FBXL14: variants seen among roughly 807,000 people sequenced by gnomAD.
The protein encoded by FBXL14 is F-box and leucine rich repeat protein 14.
Under a neutral mutation model 24.5 loss-of-function variants are expected in FBXL14, and 11 were observed. The ratio of observed to expected loss-of-function variants is 0.45; its 90% CI spans 0.28 to 0.74. FBXL14 has a LOEUF of 0.74. Ranked by LOEUF, FBXL14 falls within the 30% of genes least tolerant of loss-of-function variation. The probability of loss-of-function intolerance (pLI) is 0.12; values close to 1 mark genes in which losing one functional copy is unlikely to be tolerated. For missense variants in FBXL14, 384 were observed against 545.6 expected (o/e 0.70, Z 2.95); for synonymous variants, 294 against 240.4 (o/e 1.22, Z -2.06).
At position 1,587,294 on chromosome 12, in the gene FBXL14, A is replaced by AACTT. The variant is rs1171921631; in HGVS notation, c.1194+5575_1194+5578dup. The AACTT allele has an allele frequency of 2.0e-5, 3 of 152,232 alleles. No individual in the cohort carries two copies. In the East Asian group the frequency reaches 5.8e-4, roughly 29 times the overall value. The allele number at this position is 152,232 out of a possible 1,614,324, so 9.4% of individuals were successfully genotyped here. A position where few individuals can be genotyped will look rare whatever the true frequency, so the allele number is the denominator to read the frequency against. ...AGTAGAAGAGTAATGAAATAATAGA[A>AACTT]ACTTAAGTCTTCTTTTTAAAGAAAA... On this transcript the variant is annotated intron_variant, in intron 1 of 1. Transcript: ENST00000339235.
At chr12:1,592,710 TGGAGGAG>T (rs893057669) in intron 1 of FBXL14, among the ~76,000 whole-genome samples, 156 bp downstream of exon 1, 2 of 152,042 alleles carry the variant, frequency 1.3e-5, no homozygotes, top group Admixed American at 6.5e-5. Flanking sequence ...GGGAGGGGGC[TGGAGGAG>T]GGAGGAGGAA....
Position 1,566,280 on chromosome 12 carries a change from C to T in FBXL14, c.*468G>A, listed in dbSNP as rs1175813022. 1 of 152,396 alleles carries T rather than the reference C, an allele frequency of 6.6e-6. No homozygotes were observed. The highest frequency in any genetic ancestry group is 1.5e-5 in the Non-Finnish European group (1 of 68,108). 9.4% of individuals were successfully genotyped at this position (152,396 alleles called of 1,614,324 possible). On this transcript the variant is annotated 3_prime_UTR_variant, in exon 2 of 2. Coordinates refer to ENST00000339235, the MANE Select transcript of FBXL14 (RefSeq NM_152441.3). ...AGTTGTGAATTCCTTGTGTGTCCAGCTATCACTATGTAATGATATTTTACG... is the reference window on the plus strand; with the variant it reads ...AGTTGTGAATTCCTTGTGTGTCCAGTTATCACTATGTAATGATATTTTACG...
At chr12:1,571,509 G>A (rs948963215) in intron 1 of FBXL14, among the ~76,000 whole-genome samples, 2 of 152,142 alleles carry the variant, frequency 1.3e-5, no homozygotes, top group Admixed American at 1.3e-4. Flanking sequence ...CGCCCAGCCA[G>A]TGTAAAACAC....
intron 1 of FBXL14, among the ~76,000 whole-genome samples, chr12:1,577,705 C>A (rs1199368262): frequency 6.6e-6 from 1 of 152,208 alleles, no homozygotes; most frequent in Admixed American, 6.5e-5. Context: ...AGTGCAGAGA[C>A]CATCCCAAGC....
At chr12:1,574,617 T>C in intron 1 of FBXL14, 1 of 210,928 alleles carries the variant, frequency 4.7e-6, no homozygotes, top group South Asian at 6.3e-5. Flanking sequence ...CCAGAAAGTT[T>C]GCAGAACCTT....
Position 1,593,245 on chromosome 12 carries a change from C to A in FBXL14, c.822G>T (p.Leu274=). Residue 274 remains leucine (L), a synonymous_variant, in exon 1 of 2, where the codon CTG becomes CTT. Transcript: ENST00000339235. This position sits in a 1 kb window ranked among gnomAD's most constrained non-coding sequence, Gnocchi z 7.4. Reference sequence around the variant, plus strand: ...CCGAGAGGCGCAGGCTGCCCATGGCCAGATGCATGATGCCCGTGTCACTGA... The same window carrying A: ...CCGAGAGGCGCAGGCTGCCCATGGCAAGATGCATGATGCCCGTGTCACTGA... The part of the protein sequence containing the change: ...DNISDTGIMH[L]AMGSLRLSGL... The A allele has an allele frequency of 6.2e-7, 1 of 1,612,850 alleles. No individual in the cohort carries two copies. The highest frequency in any genetic ancestry group is 8.5e-7 in the Non-Finnish European group (1 of 1,180,032).
chr12:1,594,014 C>A lies in FBXL14; in HGVS notation c.53G>T (p.Gly18Val). ...LFPELLAMIFGYLDVRDKGRA... is the reference protein window; with the variant it reads ...LFPELLAMIFVYLDVRDKGRA... ...CCCCTTGTCCCGGACGTCCAGGTAG[C>A]CGAAGATCATGGCCAGCAGCTCCGG... The change falls in exon 1 of 2, where the codon GGC becomes GTC. Residue 18 changes from glycine to valine, a missense_variant. Transcript: ENST00000339235. The A allele has an allele frequency of 6.3e-7, 1 of 1,575,740 alleles. No homozygotes were observed. Among genetic ancestry groups the A allele is most frequent in the East Asian group, 2.3e-5 (1 of 44,334 alleles).
In FBXL14 at chr12:1,567,240, A is replaced by T. The variant is rs891628360; in HGVS notation, c.1195-430T>A. ...CACTTTGGGAGGTCGAAGCGGGCGG[A>T]TCACCTGAGGTCAGGAGTTCGAGAC... is the stretch of plus-strand genomic sequence containing the variant. On this transcript the variant is annotated intron_variant, in intron 1 of 1. Transcript: ENST00000339235. This position sits in a 1 kb window ranked among gnomAD's most constrained non-coding sequence, Gnocchi z 4.8. 7.2e-5 allele frequency among the ~76,000 whole-genome samples: 11 copies of T among 152,174 alleles called. No individual in the cohort carries two copies. Among genetic ancestry groups the T allele is most frequent in the African/African-American group, 2.4e-4 (10 of 41,446 alleles).
In FBXL14 at chr12:1,585,829, T is replaced by C. The variant is rs79902828; in HGVS notation, c.1194+7044A>G. ...TTTTTGCCCTTGAATGAAGAGAAAA[T>C]AGCTAGAGTTTTTGCAACTTGATTC... On this transcript the variant is annotated intron_variant, in intron 1 of 1. Coordinates refer to ENST00000339235, the MANE Select transcript of FBXL14 (RefSeq NM_152441.3). Among the ~76,000 whole-genome samples the C allele has an allele frequency of 8.5e-3, 1,288 of 152,290 alleles. 18 individuals are homozygous for C. The highest frequency in any genetic ancestry group is 0.03 in the African/African-American group (1,232 of 41,572).
In FBXL14 at chr12:1,593,097, G is replaced by C; in HGVS notation, c.970C>G (p.Arg324Gly). 1 of 1,613,476 alleles carries C rather than the reference G, an allele frequency of 6.2e-7. No individual in the cohort carries two copies. The highest frequency in any genetic ancestry group is 1.1e-5 in the South Asian group (1 of 91,088). Reference sequence around the variant, plus strand: ...AGCCCGTGCATCTGCCGCACCATGCGGTTGATGCCATCATCACTGATGTGG... The same window carrying C: ...AGCCCGTGCATCTGCCGCACCATGCCGTTGATGCCATCATCACTGATGTGG... ...SCHISDDGINRMVRQMHGLRT... is the reference protein window; with the variant it reads ...SCHISDDGINGMVRQMHGLRT... The change falls in exon 1 of 2, where the codon CGC becomes GGC. Residue 324 changes from arginine (R) to glycine (G), a missense_variant. Physicochemically the swap from Arg to Gly is moderately radical, Grantham distance 125. Transcript: ENST00000339235. This position sits in a 1 kb window ranked among gnomAD's most constrained non-coding sequence, Gnocchi z 7.4.
At chr12:1,581,381 C>G (rs143937484) in intron 1 of FBXL14, among the ~76,000 whole-genome samples, 4 of 152,194 alleles carry the variant, frequency 2.6e-5, no homozygotes, top group Admixed American at 2.6e-4. Context: ...ACAAGAGAAA[C>G]GTGCATCATC....
intron 1 of FBXL14, among the ~76,000 whole-genome samples, chr12:1,592,573 A>C (rs1244843604): frequency 6.6e-6 from 1 of 152,190 alleles, no homozygotes; most frequent in East Asian, 1.9e-4. Flanking sequence ...TAGCTGAATC[A>C]GTCCTCCACC....
At chr12:1,592,309 G>A (rs922750525) in intron 1 of FBXL14, among the ~76,000 whole-genome samples, 1 of 151,254 alleles carries the variant, frequency 6.6e-6, no homozygotes, top group Non-Finnish European at 1.5e-5. Context: ...AGAAGATTAA[G>A]AACATGAAAT....
chr12:1,592,306 TAAGAAC>T (rs2094492347), intron 1 of FBXL14, among the ~76,000 whole-genome samples: 2 of 150,874 alleles, frequency 1.3e-5, no homozygotes, highest in Admixed American at 1.3e-4. Flanking sequence ...GAAAGAAGAT[TAAGAAC>T]ATGAAATGAG....
At chr12:1,576,613 C>G (rs1368761842) in intron 1 of FBXL14, among the ~76,000 whole-genome samples, 1 of 152,272 alleles carries the variant, frequency 6.6e-6, no homozygotes. Context: ...CTAAAATACA[C>G]GAGACGCACT....
rs2094497171 is a variant in FBXL14, at chr12:1,594,316, C to A, written c.-250G>T. ...GCCCTCCCCCGCCCCGGGCTCCGCA[C>A]GGCGCTCACATCCCGGGCGGGGAAG... On this transcript the variant is annotated 5_prime_UTR_variant, in exon 1 of 2. Transcript: ENST00000339235. Among the ~76,000 whole-genome samples, 1 of 147,074 alleles carries A rather than the reference C, an allele frequency of 6.8e-6. No homozygotes were observed. Among genetic ancestry groups the A allele is most frequent in the Non-Finnish European group, 1.5e-5 (1 of 65,928 alleles).
At chr12:1,580,255 C>G (rs895353213) in intron 1 of FBXL14, among the ~76,000 whole-genome samples, 6 of 152,192 alleles carry the variant, frequency 3.9e-5, no homozygotes, top group Non-Finnish European at 8.8e-5. Flanking sequence ...GCGAACGCTG[C>G]CCTCTGAATA....
At position 1,566,417 on chromosome 12, in the gene FBXL14, A is replaced by T. The variant is rs2094436374; in HGVS notation, c.*331T>A. 4.1e-6 allele frequency: 1 copy of T among 242,456 alleles called. No homozygotes were observed. The highest frequency in any genetic ancestry group is 2.2e-5 in the African/African-American group (1 of 44,574). The allele number at this position is 242,456 out of a possible 1,614,324, so 15.0% of individuals were successfully genotyped here. A position where few individuals can be genotyped will look rare whatever the true frequency, so the allele number is the denominator to read the frequency against. ...GTATATATTTATATGTATAAAATTA[A>T]AGTGTGGAACTTGTAGTTTCCTGTC... On this transcript the variant is annotated 3_prime_UTR_variant, in exon 2 of 2. Transcript: ENST00000339235.
At chr12:1,570,647 A>G (rs1022108066) in intron 1 of FBXL14, among the ~76,000 whole-genome samples, 1 of 152,104 alleles carries the variant, frequency 6.6e-6, no homozygotes, top group African/African-American at 2.4e-5. Context: ...AAGTGAAAAA[A>G]GTGAGGCAGG....
Sources: gnomAD v4.1 joint callset for allele counts (sites outside exome capture counted in the v4.1 genomes callset) on GRCh38, gnomAD v4.1.1 for gene constraint, Gnocchi (gnomAD v3.1) non-coding constraint, MANE v1.5 for transcripts, NCBI Gene and HGNC (gene_info 2026-07-23, HGNC 2026-07-21) for gene names.